The following CAMK4 variants were observed in gnomAD, a reference collection of about 807,000 sequenced individuals.
CAMK4 encodes calcium/calmodulin dependent protein kinase IV.
A neutral mutation model predicts 44.9 loss-of-function variants in CAMK4; 22 were observed. The ratio of observed to expected loss-of-function variants is 0.49; its 90% CI spans 0.35 to 0.70. CAMK4 has a LOEUF of 0.70. Among genes scored for constraint, CAMK4 ranks in the 30% least tolerant of loss-of-function variants. CAMK4 has a pLI of 0.01. For synonymous variants in CAMK4, 218 were observed against 215.4 expected, an observed-to-expected ratio of 1.01 and a Z score of -0.11; for missense variants, 498 against 586.8, an observed-to-expected ratio of 0.85 and a Z score of 1.56.
intron 1 of CAMK4, among the ~76,000 whole-genome samples, chr5:111,239,056 A>G (rs1245541700): frequency 6.6e-6 from 1 of 151,892 alleles, no homozygotes; most frequent in Non-Finnish European, 1.5e-5. Flanking sequence ...GTTGCCAACT[A>G]GAAGCTCAGC....
intron 4 of CAMK4, among the ~76,000 whole-genome samples, chr5:111,391,776 C>T (rs1174441201): frequency 1.2e-4 from 18 of 152,066 alleles, no homozygotes; most frequent in Admixed American, 1.2e-3. Context: ...ATAACTAAAC[C>T]CAGAACAACT....
chr5:111,257,745 C>T (rs1199477825), intron 1 of CAMK4, among the ~76,000 whole-genome samples: 3 of 152,154 alleles, frequency 2.0e-5, no homozygotes, highest in African/African-American at 7.2e-5. Context: ...TGGAATCAAC[C>T]CAGATGCCCA....
intron 5 of CAMK4, among the ~76,000 whole-genome samples, chr5:111,410,376 G>A (rs115526980): frequency 0.013 from 1,913 of 152,140 alleles, 36 homozygotes; most frequent in African/African-American, 0.043. Context: ...AACAGTATGG[G>A]GAACTGCCCC....
chr5:111,269,154 CGTATTTGCCAA>C (rs1208811072), intron 1 of CAMK4, among the ~76,000 whole-genome samples: 1 of 152,128 alleles, frequency 6.6e-6, no homozygotes, highest in African/African-American at 2.4e-5. Context: ...CCATCATGTA[CGTATTTGCCAA>C]GAAAATGGAG....
intron 1 of CAMK4, among the ~76,000 whole-genome samples, chr5:111,318,386 G>T (rs1484151576): frequency 6.6e-6 from 1 of 152,150 alleles, no homozygotes; most frequent in Non-Finnish European, 1.5e-5. Flanking sequence ...GTAAAGTGAG[G>T]CTCATTCAAT....
At chr5:111,456,763 A>G (rs1413499068) in intron 7 of CAMK4, among the ~76,000 whole-genome samples, 1 of 152,164 alleles carries the variant, frequency 6.6e-6, no homozygotes, top group African/African-American at 2.4e-5. Context: ...CTAGGTAAAT[A>G]TGACACTTCC....
At chr5:111,455,303 A>G (rs189599681) in intron 7 of CAMK4, among the ~76,000 whole-genome samples, 3 of 152,286 alleles carry the variant, frequency 2.0e-5, no homozygotes, top group African/African-American at 7.2e-5. Flanking sequence ...CTGAGTTTCC[A>G]TAAAGAAGGA....
Position 111,316,759 on chromosome 5 carries a change from C to T in CAMK4, c.162-27265C>T, listed in dbSNP as rs568826959. 3.3e-5 allele frequency among the ~76,000 whole-genome samples: 5 copies of T among 152,252 alleles called. No homozygotes were observed. In the South Asian group the frequency reaches 1.0e-3, roughly 32 times the overall value. On this transcript the variant is annotated intron_variant, in intron 1 of 10. Coordinates refer to ENST00000282356, the MANE Select transcript of CAMK4 (RefSeq NM_001744.6). ...CAGTGCTTTTCTGGCATTGATAAAT[C>T]ACCAGGAGCAAGCAATCTATAATTT...
At position 111,482,913 on chromosome 5, in the gene CAMK4, A is replaced by C; in HGVS notation, c.957A>C (p.Glu319Asp). Residue 319 changes from glutamate to aspartate, a missense_variant, in exon 10 of 11, where the codon GAA (glutamate) becomes GAC (aspartate). By Grantham distance (45) the Glu-to-Asp change is conservative (BLOSUM62 2). Around this residue, in one of 3 missense-constraint regions of CAMK4, gnomAD observed 203 missense variants for 298.2 expected, o/e 0.68. Coordinates refer to ENST00000282356, the MANE Select transcript of CAMK4 (RefSeq NM_001744.6). This position sits in a 1 kb window ranked among gnomAD's most constrained non-coding sequence, Gnocchi z 4.9. ...ATACCGCTCAAAAGAAGCTCCAAGAATTCAATGCCCGGCGTAAGCTTAAGG... is the reference window on the plus strand; with the variant it reads ...ATACCGCTCAAAAGAAGCTCCAAGACTTCAATGCCCGGCGTAAGCTTAAGG... Reference protein sequence around the residue: ...HMDTAQKKLQEFNARRKLKAA... With the variant: ...HMDTAQKKLQDFNARRKLKAA... 6.2e-7 allele frequency: 1 copy of C among 1,609,236 alleles called. No individual in the cohort carries two copies. Among genetic ancestry groups the C allele is most frequent in the South Asian group, 1.1e-5 (1 of 89,624 alleles).
At chr5:111,462,637 A>G (rs565210569) in intron 7 of CAMK4, among the ~76,000 whole-genome samples, 2 of 152,376 alleles carry the variant, frequency 1.3e-5, no homozygotes, top group East Asian at 3.9e-4. Flanking sequence ...AGAAAGAATC[A>G]TAAAACTCAA....
intron 8 of CAMK4, among the ~76,000 whole-genome samples, chr5:111,476,813 C>G (rs1387051178): frequency 6.6e-6 from 1 of 152,214 alleles, no homozygotes; most frequent in African/African-American, 2.4e-5. Flanking sequence ...CTCTCTCCTT[C>G]AGCTTTCAAC....
intron 1 of CAMK4, among the ~76,000 whole-genome samples, chr5:111,299,869 G>C (rs937230028): frequency 2.6e-5 from 4 of 152,032 alleles, no homozygotes; most frequent in African/African-American, 9.7e-5. Flanking sequence ...GCCCATATAT[G>C]ACATAGTATC....
intron 1 of CAMK4, among the ~76,000 whole-genome samples, chr5:111,297,096 AG>A (rs1158575483): frequency 2.0e-5 from 3 of 152,228 alleles, no homozygotes; most frequent in African/African-American, 4.8e-5. Flanking sequence ...AATGAGCAAA[AG>A]CTTCAGACAC....
At chr5:111,225,862 T>A (rs1171318190) in intron 1 of CAMK4, among the ~76,000 whole-genome samples, 1 of 152,210 alleles carries the variant, frequency 6.6e-6, no homozygotes, top group Non-Finnish European at 1.5e-5. Flanking sequence ...TTTGAAGTAT[T>A]TGAGCACTGA....
intron 5 of CAMK4, among the ~76,000 whole-genome samples, chr5:111,440,575 G>A (rs968555657): frequency 2.0e-5 from 3 of 152,120 alleles, no homozygotes; most frequent in African/African-American, 7.2e-5. Context: ...CTATTTATAA[G>A]TTATATTGCA....
chr5:111,466,393 A>G (rs965695656), intron 7 of CAMK4, among the ~76,000 whole-genome samples: 1 of 152,196 alleles, frequency 6.6e-6, no homozygotes, highest in African/African-American at 2.4e-5. Context: ...CCAAATCGGT[A>G]ATGAGGAAGT....
intron 1 of CAMK4, among the ~76,000 whole-genome samples, chr5:111,324,147 T>G (rs1455750394): frequency 2.6e-5 from 4 of 151,744 alleles, no homozygotes; most frequent in Admixed American, 6.6e-5. Context: ...ATAATCCAAA[T>G]GATAGCAGGA....
At chr5:111,381,429 T>G (rs1359323812) in intron 4 of CAMK4, among the ~76,000 whole-genome samples, 1 of 152,126 alleles carries the variant, frequency 6.6e-6, no homozygotes, top group Non-Finnish European at 1.5e-5. Flanking sequence ...GGCAAATCAC[T>G]AGTGTAAGTC....
chr5:111,326,740 G>C (rs189932120), intron 1 of CAMK4, among the ~76,000 whole-genome samples: 1 of 151,652 alleles, frequency 6.6e-6, no homozygotes, highest in Non-Finnish European at 1.5e-5. Flanking sequence ...AGATAAGGAC[G>C]AGGCTAAGCA....
Sources: allele counts gnomAD v4.1 joint callset (sites outside exome capture counted in the v4.1 genomes callset), GRCh38; gene constraint gnomAD v4.1.1; regional missense constraint gnomAD v4.1.1; non-coding constraint Gnocchi (gnomAD v3.1); transcripts MANE v1.5; gene names NCBI Gene and HGNC (gene_info 2026-07-23, HGNC 2026-07-21).